Variants in CREB5 observed in about 807,000 individuals in gnomAD.
CREB5 encodes cyclic AMP-responsive element-binding protein 5.
CREB5 carries 19 observed loss-of-function variants against 57.1 expected under a neutral mutation model. The ratio of observed to expected loss-of-function variants is 0.33; its 90% CI spans 0.23 to 0.49. The LOEUF (loss-of-function observed/expected upper bound fraction) is 0.49, where lower values mean the gene tolerates loss of function less well. Among genes scored for constraint, CREB5 ranks in the 20% least tolerant of loss-of-function variants. CREB5 has a pLI of 0.99. For synonymous variants in CREB5, 238 were observed against 238.3 expected (o/e 1.00, Z 0.01); for missense variants, 579 against 671.6 (o/e 0.86, Z 1.52).
intron 4 of CREB5, among the ~76,000 whole-genome samples, chr7:28,526,296 G>A (rs1793447117): frequency 6.6e-6 from 1 of 152,184 alleles, no homozygotes. Context: ...AATGCAGTAT[G>A]CCCAGTATTT....
intron 5 of CREB5, among the ~76,000 whole-genome samples, chr7:28,573,619 A>G (rs1363708778): frequency 6.6e-6 from 1 of 152,128 alleles, no homozygotes; most frequent in Non-Finnish European, 1.5e-5. Flanking sequence ...AGGCAACCCC[A>G]AGTTTTCGCT....
At chr7:28,356,529 A>G (rs1786347955) in intron 1 of CREB5, among the ~76,000 whole-genome samples, 1 of 152,238 alleles carries the variant, frequency 6.6e-6, no homozygotes, top group Non-Finnish European at 1.5e-5. Flanking sequence ...CAGACCGATC[A>G]ATAGGCTTTT....
At chr7:28,397,427 G>A (rs1787360807) in intron 1 of CREB5, among the ~76,000 whole-genome samples, 2 of 152,164 alleles carry the variant, frequency 1.3e-5, no homozygotes, top group Admixed American at 1.3e-4. Flanking sequence ...GCCCTCTTGG[G>A]TTAGAGCCAG....
intron 1 of CREB5, among the ~76,000 whole-genome samples, chr7:28,458,753 T>C (rs1790221461): frequency 6.6e-6 from 1 of 152,164 alleles, no homozygotes; most frequent in African/African-American, 2.4e-5. Flanking sequence ...AATATGGATG[T>C]GATAGTATTC....
chr7:28,335,005 C>T (rs925550025), intron 1 of CREB5, among the ~76,000 whole-genome samples: 2 of 152,108 alleles, frequency 1.3e-5, no homozygotes, highest in African/African-American at 4.8e-5. Flanking sequence ...CAAAAGAATT[C>T]ACTGTAAATG....
chr7:28,782,121 TA>T lies in CREB5; in HGVS notation c.703-22075del, dbSNP rs555756710. On this transcript the variant is annotated intron_variant, in intron 7 of 10. Coordinates refer to ENST00000357727, the MANE Select transcript of CREB5 (RefSeq NM_182898.4). The stretch of plus-strand genomic sequence containing the variant: ...TTGAGCAGTTGTTTCTACCTAAGGG[TA>T]AACTTCTCAACCCAAAAATGGATGT... Among the ~76,000 whole-genome samples, 88 of 7,914 alleles carry T rather than the reference TA, an allele frequency of 0.011. No individual in the cohort carries two copies. The East Asian group carries it at 0.16, about 14-fold the overall frequency. 5.2% of individuals were successfully genotyped at this position (7,914 alleles called of 152,430 possible). A position where few individuals can be genotyped will look rare whatever the true frequency, so the allele number is the denominator to read the frequency against.
chr7:28,612,543 GGTGTGTGTGT>G (rs59074697), intron 5 of CREB5, among the ~76,000 whole-genome samples: 4,038 of 137,354 alleles, frequency 0.029, 80 homozygotes, highest in African/African-American at 0.063. Context: ...TTAGAGAAGG[GGTGTGTGTGT>G]GTGTGTGTGT....
chr7:28,603,738 G>A (rs922634713), intron 5 of CREB5, among the ~76,000 whole-genome samples: 2 of 152,150 alleles, frequency 1.3e-5, no homozygotes, highest in Non-Finnish European at 2.9e-5. Flanking sequence ...GCTTTAGTTC[G>A]TTACTTAGTC....
intron 1 of CREB5, among the ~76,000 whole-genome samples, chr7:28,339,504 G>A (rs1328817648): frequency 6.6e-6 from 1 of 152,012 alleles, no homozygotes; most frequent in Non-Finnish European, 1.5e-5. Flanking sequence ...CTCTCTATGG[G>A]CTGAGCTGCC....
intron 4 of CREB5, among the ~76,000 whole-genome samples, chr7:28,541,623 C>T (rs1794214965): frequency 6.6e-6 from 1 of 152,190 alleles, no homozygotes; most frequent in African/African-American, 2.4e-5. Context: ...GCCAAGATCA[C>T]ACCATGCACT....
At chr7:28,667,324 G>A (rs1799864701) in intron 5 of CREB5, among the ~76,000 whole-genome samples, 1 of 150,646 alleles carries the variant, frequency 6.6e-6, no homozygotes. Flanking sequence ...AGCAAGTTTT[G>A]TTTGGGGCAA....
At chr7:28,590,919 A>C (rs1039864645) in intron 5 of CREB5, among the ~76,000 whole-genome samples, 1 of 152,110 alleles carries the variant, frequency 6.6e-6, no homozygotes, top group Admixed American at 6.5e-5. Flanking sequence ...CTACCTGCTC[A>C]ATGTGTGGTT....
At chr7:28,786,017 G>A (rs200132790) in intron 7 of CREB5, among the ~76,000 whole-genome samples, 1 of 152,138 alleles carries the variant, frequency 6.6e-6, no homozygotes, top group East Asian at 1.9e-4. Context: ...CAGATCCAAT[G>A]GCATCAGGGG....
At chr7:28,332,949 C>A (rs192206671) in intron 1 of CREB5, among the ~76,000 whole-genome samples, 149 of 152,258 alleles carry the variant, frequency 9.8e-4, no homozygotes, top group African/African-American at 3.5e-3. Context: ...TATAATGAGA[C>A]TATTTTTGCT....
chr7:28,342,143 C>T (rs1240649388), intron 1 of CREB5, among the ~76,000 whole-genome samples: 3 of 152,202 alleles, frequency 2.0e-5, no homozygotes, highest in Admixed American at 2.0e-4. Flanking sequence ...TCCCCCTCTG[C>T]TCTTCTCCAT....
chr7:28,477,541 G>A (rs1791129839), intron 1 of CREB5, among the ~76,000 whole-genome samples: 1 of 152,194 alleles, frequency 6.6e-6, no homozygotes, highest in Non-Finnish European at 1.5e-5. Flanking sequence ...ATTCGAAAAT[G>A]GTGCTGTTGT....
intron 1 of CREB5, among the ~76,000 whole-genome samples, chr7:28,342,617 T>A (rs1785959208): frequency 6.6e-6 from 1 of 152,230 alleles, no homozygotes; most frequent in Non-Finnish European, 1.5e-5. Flanking sequence ...ACAGTAGTAA[T>A]ACTAAAAAGT....
chr7:28,476,459 C>G (rs1791072168), intron 1 of CREB5, among the ~76,000 whole-genome samples: 1 of 152,290 alleles, frequency 6.6e-6, no homozygotes, highest in East Asian at 1.9e-4. Flanking sequence ...TCCCAAATAT[C>G]CCACTTGATC....
chr7:28,369,690 A>T (rs1302351860), intron 1 of CREB5, among the ~76,000 whole-genome samples: 1 of 152,130 alleles, frequency 6.6e-6, no homozygotes, highest in Non-Finnish European at 1.5e-5. Flanking sequence ...GGATAGGGTG[A>T]TAAAATCCTG....
Sources: allele counts gnomAD v4.1 joint callset (sites outside exome capture counted in the v4.1 genomes callset), GRCh38; gene constraint gnomAD v4.1.1; transcripts MANE v1.5; gene names NCBI Gene and HGNC (gene_info 2026-07-23, HGNC 2026-07-21).